Variants in JAZF1 observed in about 807,000 individuals in gnomAD.
JAZF1 encodes the protein juxtaposed with another zinc finger protein 1.
A neutral mutation model predicts 26.4 loss-of-function variants in JAZF1; 8 were observed. That is an observed-to-expected ratio of 0.30 (90% CI 0.18 to 0.55). JAZF1 has a LOEUF of 0.55. Among genes scored for constraint, JAZF1 ranks in the 20% least tolerant of loss-of-function variants. The pLI is 0.94. For missense variants in JAZF1, 199 were observed against 322.0 expected, an observed-to-expected ratio of 0.62 and a Z score of 2.92; for synonymous variants, 126 against 122.3, an observed-to-expected ratio of 1.03 and a Z score of -0.20.
chr7:28,079,116 A>G (rs932625517), intron 1 of JAZF1, among the ~76,000 whole-genome samples: 3 of 151,964 alleles, frequency 2.0e-5, no homozygotes, highest in Non-Finnish European at 4.4e-5. Flanking sequence ...CAGCCTCCCA[A>G]GTAGCTGGGA....
intron 1 of JAZF1, among the ~76,000 whole-genome samples, chr7:28,054,955 A>G (rs2128380997): frequency 6.6e-6 from 1 of 152,184 alleles, no homozygotes; most frequent in African/African-American, 2.4e-5. Flanking sequence ...AGTTCTCAAT[A>G]TAGGTGCTGG....
At chr7:27,893,315 A>C (rs1784004626) in intron 3 of JAZF1, among the ~76,000 whole-genome samples, 1 of 152,254 alleles carries the variant, frequency 6.6e-6, no homozygotes, top group Non-Finnish European at 1.5e-5. Flanking sequence ...AGAAATACGT[A>C]AACTGTCAGA....
At chr7:27,970,648 T>C (rs924749166) in intron 2 of JAZF1, among the ~76,000 whole-genome samples, 3 of 152,224 alleles carry the variant, frequency 2.0e-5, no homozygotes, top group Non-Finnish European at 1.5e-5. Context: ...AAAATATTAT[T>C]TGTACTCATT....
chr7:27,845,900 T>C (rs1485558954), intron 3 of JAZF1, among the ~76,000 whole-genome samples: 3 of 151,880 alleles, frequency 2.0e-5, no homozygotes, highest in African/African-American at 7.3e-5. Context: ...CTCTCTCCTC[T>C]ACCCCACCCT....
intron 1 of JAZF1, among the ~76,000 whole-genome samples, chr7:27,995,849 C>T (rs914490815): frequency 1.3e-5 from 2 of 152,160 alleles, no homozygotes; most frequent in African/African-American, 4.8e-5. Context: ...GGGGTCACAG[C>T]ACTAGCTCCC....
rs1466305148 is a variant in JAZF1 at position 27,832,667 on chromosome 7, A to G, written c.*133T>C. The G allele has an allele frequency of 4.4e-6, 3 of 682,720 alleles. No individual in the cohort carries two copies. The highest frequency in any genetic ancestry group is 3.6e-5 in the African/African-American group (2 of 55,834). The allele number at this position is 682,720 out of a possible 1,614,324, so 42.3% of individuals were successfully genotyped here. A position where few individuals can be genotyped will look rare whatever the true frequency, so the allele number is the denominator to read the frequency against. ...CAAAGATACATCATTCCAAAATTAC[A>G]GAAAAAATTTAAAGCATGCATTTAA... On this transcript the variant is annotated 3_prime_UTR_variant, in exon 5 of 5. Transcript: ENST00000283928.
chr7:28,170,383 GTGTGTGTGTGTA>G (rs1449721616), intron 1 of JAZF1, among the ~76,000 whole-genome samples: 27 of 141,568 alleles, frequency 1.9e-4, no homozygotes, highest in East Asian at 7.8e-4. Flanking sequence ...GTGTGTGTGT[GTGTGTGTGTGTA>G]TGTGTGTATG....
At chr7:28,139,516 A>G (rs1782932362) in intron 1 of JAZF1, among the ~76,000 whole-genome samples, 1 of 152,226 alleles carries the variant, frequency 6.6e-6, no homozygotes, top group Admixed American at 6.5e-5. Context: ...ACTTCCTATG[A>G]AGACTGGAGT....
chr7:27,987,586 G>A (rs1393733018), intron 2 of JAZF1, among the ~76,000 whole-genome samples: 22 of 150,740 alleles, frequency 1.5e-4, no homozygotes, highest in Admixed American at 7.2e-4. Context: ...GCCCCCGCCC[G>A]GCCAGCCGCC....
chr7:28,035,558 T>C (rs1003280696), intron 1 of JAZF1, among the ~76,000 whole-genome samples: 5 of 152,118 alleles, frequency 3.3e-5, no homozygotes, highest in African/African-American at 1.2e-4. Context: ...AATTTTGGTG[T>C]AGAGCCCTTT....
chr7:27,849,680 C>CCAG (rs1306237613), intron 3 of JAZF1, among the ~76,000 whole-genome samples: 44 of 151,876 alleles, frequency 2.9e-4, no homozygotes, highest in Non-Finnish European at 4.7e-4. Context: ...TGGGGAGCTT[C>CCAG]TACTGGTTGT....
chr7:27,954,419 T>C (rs1198587020), intron 2 of JAZF1, among the ~76,000 whole-genome samples: 1 of 152,128 alleles, frequency 6.6e-6, no homozygotes, highest in African/African-American at 2.4e-5. Flanking sequence ...GCTGCTCAGT[T>C]TGGGAACACT....
intron 2 of JAZF1, among the ~76,000 whole-genome samples, chr7:27,947,977 C>T (rs1784944964): frequency 6.6e-6 from 1 of 152,158 alleles, no homozygotes. Context: ...ACACTTAGGT[C>T]TTTTGGTCAA....
intron 1 of JAZF1, among the ~76,000 whole-genome samples, chr7:28,071,986 G>T (rs921361798): frequency 2.0e-5 from 3 of 152,204 alleles, no homozygotes; most frequent in Admixed American, 6.5e-5. Context: ...TCATGATGTT[G>T]TAAGTTTAAC....
chr7:28,084,296 A>G (rs1445380595), intron 1 of JAZF1, among the ~76,000 whole-genome samples: 1 of 152,218 alleles, frequency 6.6e-6, no homozygotes, highest in East Asian at 1.9e-4. Context: ...CCCAAAACAA[A>G]AACAAACTAA....
intron 1 of JAZF1, among the ~76,000 whole-genome samples, chr7:28,099,231 T>C (rs897640908): frequency 1.3e-5 from 2 of 152,316 alleles, no homozygotes; most frequent in East Asian, 3.9e-4. Context: ...CGGCCACATC[T>C]CCATCCCCAA....
chr7:27,919,333 C>G (rs1322217837), intron 2 of JAZF1, among the ~76,000 whole-genome samples: 2 of 152,044 alleles, frequency 1.3e-5, no homozygotes, highest in African/African-American at 2.4e-5. Context: ...ACCTGGCCCC[C>G]CATTGTGAAT....
chr7:28,110,595 A>AG (rs1163552315), intron 1 of JAZF1, among the ~76,000 whole-genome samples: 1 of 68,098 alleles, frequency 1.5e-5, no homozygotes, highest in Admixed American at 1.7e-4. Flanking sequence ...GAAAAGGAAA[A>AG]GGAAAAGGAA....
At chr7:28,164,781 A>C (rs1261494935) in intron 1 of JAZF1, among the ~76,000 whole-genome samples, 1 of 152,202 alleles carries the variant, frequency 6.6e-6, no homozygotes, top group African/African-American at 2.4e-5. Flanking sequence ...CATAACCACT[A>C]AAATCTATGC....
Sources: gnomAD v4.1 joint callset for allele counts (sites outside exome capture counted in the v4.1 genomes callset) on GRCh38, gnomAD v4.1.1 for gene constraint, MANE v1.5 for transcripts, NCBI Gene and HGNC (gene_info 2026-07-23, HGNC 2026-07-21) for gene names.